DIAPH3: variants seen among roughly 807,000 people sequenced by gnomAD.
The protein encoded by DIAPH3 is protein diaphanous homolog 3.
A neutral mutation model predicts 144.3 loss-of-function variants in DIAPH3; 117 were observed. The ratio of observed to expected loss-of-function variants is 0.81; its 90% CI spans 0.70 to 0.95. DIAPH3 has a LOEUF of 0.95. Among genes scored for constraint, DIAPH3 ranks in the 40% least tolerant of loss-of-function variants. DIAPH3 has a pLI of 0.00. For missense variants in DIAPH3, 1,421 were observed against 1,412.7 expected, an observed-to-expected ratio of 1.01 and a Z score of -0.09; for synonymous variants, 519 against 488.9, an observed-to-expected ratio of 1.06 and a Z score of -0.81.
intron 23 of DIAPH3, among the ~76,000 whole-genome samples, chr13:59,837,074 C>T (rs1043606625): frequency 2.0e-5 from 3 of 151,914 alleles, no homozygotes; most frequent in African/African-American, 4.8e-5. Context: ...GAAAAGCAAA[C>T]GAGTGCAATC....
intron 8 of DIAPH3, among the ~76,000 whole-genome samples, chr13:60,009,640 T>C (rs989667702): frequency 2.0e-5 from 3 of 152,204 alleles, no homozygotes; most frequent in African/African-American, 7.2e-5. Flanking sequence ...GCAACACCTC[T>C]TCTATAGATA....
intron 20 of DIAPH3, among the ~76,000 whole-genome samples, chr13:59,898,134 C>CAAAAAAA (rs34238599): frequency 2.4e-3 from 172 of 72,104 alleles, no homozygotes; most frequent in East Asian, 3.0e-3. Flanking sequence ...GACTCTGCCT[C>CAAAAAAA]AAAAAAAAAA....
chr13:59,906,356 T>C (rs1054673588), intron 20 of DIAPH3, among the ~76,000 whole-genome samples: 5 of 152,138 alleles, frequency 3.3e-5, no homozygotes, highest in African/African-American at 9.7e-5. Context: ...CATGCATACA[T>C]TGGTAAATAC....
At chr13:60,074,920 T>C (rs2057329793) in intron 4 of DIAPH3, among the ~76,000 whole-genome samples, 1 of 152,158 alleles carries the variant, frequency 6.6e-6, no homozygotes. Context: ...TCCTGACATT[T>C]CACACAGTGC....
intron 1 of DIAPH3, among the ~76,000 whole-genome samples, chr13:60,148,155 G>T (rs190848331): frequency 6.6e-6 from 1 of 152,300 alleles, no homozygotes; most frequent in Admixed American, 6.5e-5. Context: ...GAATACAAAA[G>T]AAAGAAGTTT....
At chr13:60,075,712 CT>C (rs946174425) in intron 4 of DIAPH3, among the ~76,000 whole-genome samples, 10 of 152,190 alleles carry the variant, frequency 6.6e-5, no homozygotes, top group Non-Finnish European at 1.3e-4. Flanking sequence ...ATTTTCCCAC[CT>C]TGTACTTCCA....
intron 2 of DIAPH3, among the ~76,000 whole-genome samples, chr13:60,118,362 G>T (rs2058750590): frequency 6.6e-6 from 1 of 152,014 alleles, no homozygotes; most frequent in Non-Finnish European, 1.5e-5. Context: ...AAAATGAAAG[G>T]AAAATATAAT....
At chr13:59,818,175 T>C (rs906422189) in intron 24 of DIAPH3, among the ~76,000 whole-genome samples, 13 of 151,930 alleles carry the variant, frequency 8.6e-5, no homozygotes, top group Admixed American at 2.6e-4. Flanking sequence ...CCACAGAGAC[T>C]GTATTGCCTG....
chr13:59,800,779 G>A (rs1448039670), intron 25 of DIAPH3, among the ~76,000 whole-genome samples: 1 of 152,164 alleles, frequency 6.6e-6, no homozygotes, highest in African/African-American at 2.4e-5. Context: ...AGTGTGAACG[G>A]TATTTCCAAC....
At chr13:59,953,018 A>G (rs1305804981) in intron 17 of DIAPH3, among the ~76,000 whole-genome samples, 3 of 152,208 alleles carry the variant, frequency 2.0e-5, no homozygotes, top group South Asian at 4.1e-4. Flanking sequence ...ACAGTATGTT[A>G]GAAGGAGATA....
intron 17 of DIAPH3, among the ~76,000 whole-genome samples, chr13:59,950,539 T>C (rs2049043056): frequency 6.6e-6 from 1 of 152,028 alleles, no homozygotes; most frequent in Non-Finnish European, 1.5e-5. Context: ...AAACCAGAGC[T>C]ATGAATGAAA....
intron 1 of DIAPH3, among the ~76,000 whole-genome samples, chr13:60,146,545 A>G (rs1306284043): frequency 6.6e-6 from 1 of 152,210 alleles, no homozygotes; most frequent in Non-Finnish European, 1.5e-5. Context: ...GAGCGGCCCA[A>G]TACTGTACCT....
At chr13:59,838,721 TA>T in intron 23 of DIAPH3, 1 of 152,464 alleles carries the variant, frequency 6.6e-6, no homozygotes, top group Non-Finnish European at 1.5e-5. Flanking sequence ...ATTCATCATG[TA>T]CATCAGAAGG....
Position 59,952,786 on chromosome 13 carries a change from GAC to G in DIAPH3, c.2074+17156_2074+17157del, listed in dbSNP as rs375665082. Among the ~76,000 whole-genome samples the G allele has an allele frequency of 3.7e-3, 570 of 152,184 alleles. 2 individuals are homozygous for G. Among genetic ancestry groups the G allele is most frequent in the African/African-American group, 0.012 (504 of 41,520 alleles). The stretch of plus-strand genomic sequence containing the variant: ...TTTCCATTTGCTTAAAATGAAAAAA[GAC>G]AGTTTGCTTGAGGAGGCTGAAATTA... On this transcript the variant is annotated intron_variant, in intron 17 of 27. Transcript: ENST00000400324.
intron 9 of DIAPH3, among the ~76,000 whole-genome samples, chr13:59,996,627 A>C (rs951453232): frequency 6.6e-6 from 1 of 151,996 alleles, no homozygotes. Flanking sequence ...GTAATGACAA[A>C]GAGTGGGACA....
chr13:60,069,041 G>A (rs996199906), intron 4 of DIAPH3, among the ~76,000 whole-genome samples: 3 of 152,018 alleles, frequency 2.0e-5, no homozygotes, highest in African/African-American at 7.2e-5. Context: ...TTGTTTTTAG[G>A]TCTTTAAGGA....
Position 60,015,897 on chromosome 13 carries a change from T to C in DIAPH3, c.771+16A>G, listed in dbSNP as rs369633919. On this transcript the variant is annotated intron_variant, in intron 7 of 27. Coordinates refer to ENST00000400324, the MANE Select transcript of DIAPH3 (RefSeq NM_001042517.2). ...AAAATTGGTGACGGACAAATACTAATTACGTATGTACATACCTGCGTATTC... is the reference window on the plus strand; with the variant it reads ...AAAATTGGTGACGGACAAATACTAACTACGTATGTACATACCTGCGTATTC... The C allele has an allele frequency of 1.3e-5, 20 of 1,595,864 alleles. No homozygotes were observed. In the Middle Eastern group the frequency reaches 2.9e-3, roughly 233 times the overall value.
At chr13:59,896,353 T>C (rs1405290380) in intron 20 of DIAPH3, among the ~76,000 whole-genome samples, 1 of 152,184 alleles carries the variant, frequency 6.6e-6, no homozygotes, top group Non-Finnish European at 1.5e-5. Context: ...GCCATTAACC[T>C]GAAACTCCAA....
At chr13:59,958,019 T>C (rs1412396740) in intron 17 of DIAPH3, among the ~76,000 whole-genome samples, 1 of 152,160 alleles carries the variant, frequency 6.6e-6, no homozygotes, top group Non-Finnish European at 1.5e-5. Flanking sequence ...GGTAATATGA[T>C]GATAGAAGAG....
Sources: gnomAD v4.1 joint callset for allele counts (sites outside exome capture counted in the v4.1 genomes callset) on GRCh38, gnomAD v4.1.1 for gene constraint, MANE v1.5 for transcripts, NCBI Gene and HGNC (gene_info 2026-07-23, HGNC 2026-07-21) for gene names.